Variants in POC1B observed in about 807,000 individuals in gnomAD.
POC1B encodes POC1 centriolar protein homolog B.
A neutral mutation model predicts 60.6 loss-of-function variants in POC1B; 44 were observed. That is an observed-to-expected ratio of 0.73 (90% CI 0.57 to 0.93). The LOEUF (loss-of-function observed/expected upper bound fraction) is 0.93. Ranked by LOEUF, POC1B falls within the 40% of genes least tolerant of loss-of-function variation. The pLI is 0.00. For synonymous variants in POC1B, 180 were observed against 198.9 expected (o/e 0.90, Z 0.80); for missense variants, 555 against 572.3 (o/e 0.97, Z 0.31).
At chr12:89,523,589 AAT>A (rs1871120949) in intron 2 of POC1B, 1 of 1,570,366 alleles carries the variant, frequency 6.4e-7, no homozygotes, top group African/African-American at 1.4e-5. Context: ...AGGTACTGAA[AAT>A]ATTTCTTGCT....
intron 4 of POC1B, 157 bp from the exon 5 acceptor site, chr12:89,472,432 C>CA (rs1882936326): frequency 1.8e-6 from 1 of 556,680 alleles, no homozygotes; most frequent in Non-Finnish European, 3.1e-6. Context: ...CCAAGATCTT[C>CA]ATCATGACAA....
intron 2 of POC1B, among the ~76,000 whole-genome samples, chr12:89,518,293 C>T (rs970603452): frequency 1.3e-5 from 2 of 152,148 alleles, no homozygotes; most frequent in South Asian, 2.1e-4. Flanking sequence ...CCAAGCCCCA[C>T]CTAATACTAA....
intron 10 of POC1B, among the ~76,000 whole-genome samples, chr12:89,437,874 C>A (rs1241782137): frequency 6.6e-6 from 1 of 151,140 alleles, no homozygotes; most frequent in Non-Finnish European, 1.5e-5. Context: ...ATGGTGAAAC[C>A]CCATCTCGAC....
chr12:89,424,786 G>A (rs888536418), intron 11 of POC1B, among the ~76,000 whole-genome samples: 1 of 152,206 alleles, frequency 6.6e-6, no homozygotes, highest in Non-Finnish European at 1.5e-5. Context: ...CTGCATCAAG[G>A]TAAGAGGCTT....
chr12:89,442,182 C>T (rs1881554116), intron 10 of POC1B, among the ~76,000 whole-genome samples: 1 of 152,184 alleles, frequency 6.6e-6, no homozygotes, highest in South Asian at 2.1e-4. Context: ...AAACACTCTT[C>T]AGGATATTAT....
intron 10 of POC1B, among the ~76,000 whole-genome samples, chr12:89,446,478 C>T (rs1421425011): frequency 1.3e-5 from 2 of 152,114 alleles, no homozygotes; most frequent in African/African-American, 2.4e-5. Context: ...TGGAAACCAT[C>T]ATTCTCAGCA....
chr12:89,459,103 A>AT (rs201488810), intron 10 of POC1B, among the ~76,000 whole-genome samples: 1,645 of 152,216 alleles, frequency 0.011, 15 homozygotes, highest in South Asian at 0.022. Flanking sequence ...TGAAGGACAA[A>AT]TAACACAATA....
At chr12:89,485,987 G>A (rs181279817) in intron 4 of POC1B, among the ~76,000 whole-genome samples, 2 of 152,058 alleles carry the variant, frequency 1.3e-5, no homozygotes, top group East Asian at 1.9e-4. Context: ...TGGCTCAAAC[G>A]TCACCTTGGT....
intron 2 of POC1B, chr12:89,523,887 G>T (rs1290940278): frequency 6.3e-7 from 1 of 1,578,430 alleles, no homozygotes; most frequent in Non-Finnish European, 8.6e-7. Context: ...AAGTGAGGAC[G>T]TCCCCAGTGG....
intron 10 of POC1B, among the ~76,000 whole-genome samples, chr12:89,440,012 A>C (rs913652134): frequency 6.6e-6 from 1 of 152,170 alleles, no homozygotes; most frequent in African/African-American, 2.4e-5. Context: ...ACTAACATTC[A>C]TACTTTCACA....
intron 2 of POC1B, among the ~76,000 whole-genome samples, chr12:89,516,691 T>C (rs936095137): frequency 6.6e-6 from 1 of 152,188 alleles, no homozygotes; most frequent in Non-Finnish European, 1.5e-5. Context: ...CAGAAATTTA[T>C]TATCTCACAG....
chr12:89,494,332 C>T (rs756176666), intron 3 of POC1B, among the ~76,000 whole-genome samples: 3 of 152,074 alleles, frequency 2.0e-5, no homozygotes, highest in Non-Finnish European at 4.4e-5. Flanking sequence ...ATTACAGGTG[C>T]GAGTCATGCC....
At chr12:89,471,853 C>T (rs577874728) in intron 5 of POC1B, 124 bp from the exon 6 acceptor site, 13 of 613,542 alleles carry the variant, frequency 2.1e-5, no homozygotes, top group East Asian at 1.2e-4. Context: ...CCGCAACCTC[C>T]GCCTCCTGGG....
At chr12:89,494,005 G>C (rs911557453) in intron 3 of POC1B, among the ~76,000 whole-genome samples, 5 of 152,170 alleles carry the variant, frequency 3.3e-5, no homozygotes, top group African/African-American at 9.7e-5. Flanking sequence ...CTCTGAGCCA[G>C]ACTTGCTTTC....
intron 2 of POC1B, chr12:89,523,628 T>C (rs779349911): frequency 5.2e-6 from 8 of 1,545,974 alleles, no homozygotes; most frequent in Admixed American, 4.2e-5. Flanking sequence ...CCAGCCATGG[T>C]AGGTGATCTG....
intron 2 of POC1B, among the ~76,000 whole-genome samples, chr12:89,518,157 C>G (rs1013274019): frequency 9.3e-5 from 14 of 150,398 alleles, no homozygotes; most frequent in Non-Finnish European, 2.1e-4. Flanking sequence ...ATTTTCATTT[C>G]TGCTGTGGAC....
downstream of POC1B, among the ~76,000 whole-genome samples, chr12:89,419,200 C>A (rs979499501): frequency 6.6e-6 from 1 of 151,890 alleles, no homozygotes; most frequent in African/African-American, 2.4e-5. Context: ...GGTTTTGGAC[C>A]TATCTAGAGA....
intron 10 of POC1B, among the ~76,000 whole-genome samples, chr12:89,452,990 C>G (rs977797909): frequency 1.3e-5 from 2 of 152,082 alleles, no homozygotes; most frequent in African/African-American, 4.8e-5. Flanking sequence ...TAGTCTCTTT[C>G]CAGTCTCTAA....
At chr12:89,405,815 T>A in the POC1B span, among the ~76,000 whole-genome samples, 1 of 151,910 alleles carries the variant, frequency 6.6e-6, no homozygotes, top group Non-Finnish European at 1.5e-5. Context: ...ATTAGCCAGG[T>A]GTGGTGTCAC....
Sources: gnomAD v4.1 joint callset for allele counts (sites outside exome capture counted in the v4.1 genomes callset) on GRCh38, gnomAD v4.1.1 for gene constraint, MANE v1.5 for transcripts, NCBI Gene and HGNC (gene_info 2026-07-23, HGNC 2026-07-21) for gene names.